RANBP17: variants seen among roughly 807,000 people sequenced by gnomAD.
The protein encoded by RANBP17 is RAN binding protein 17.
RANBP17 carries 158 observed loss-of-function variants against 141.2 expected under a neutral mutation model. That is an observed-to-expected ratio of 1.12 (90% CI 0.98 to 1.28). The LOEUF is 1.28. Among genes scored for constraint, RANBP17 ranks in the 50% most tolerant of loss-of-function variants. The pLI is 0.00. For missense variants in RANBP17, 1,438 were observed against 1,290.7 expected (o/e 1.11, Z -1.75); for synonymous variants, 430 against 450.0 (o/e 0.96, Z 0.56).
intron 14 of RANBP17, among the ~76,000 whole-genome samples, chr5:170,996,520 C>T (rs1325352513): frequency 1.3e-5 from 2 of 152,080 alleles, no homozygotes; most frequent in East Asian, 3.9e-4. Flanking sequence ...GTTTTCTGTT[C>T]TGGAGCATTC....
At chr5:171,248,194 G>A (rs1045258225) in intron 24 of RANBP17, among the ~76,000 whole-genome samples, 4 of 151,954 alleles carry the variant, frequency 2.6e-5, no homozygotes, top group East Asian at 3.9e-4. Flanking sequence ...GTGAAACCTC[G>A]TCTCTACTAA....
intron 18 of RANBP17, among the ~76,000 whole-genome samples, chr5:171,184,712 G>T (rs923357092): frequency 2.0e-5 from 3 of 152,106 alleles, no homozygotes; most frequent in Non-Finnish European, 4.4e-5. Flanking sequence ...CAAATATATT[G>T]CAGGTTTAGT....
intron 1 of RANBP17, among the ~76,000 whole-genome samples, chr5:170,872,625 A>G (rs1767843096): frequency 6.6e-6 from 1 of 152,230 alleles, no homozygotes; most frequent in African/African-American, 2.4e-5. Flanking sequence ...TTGCCTATTC[A>G]GTATGACATT....
At chr5:171,038,199 C>T (rs533045879) in intron 14 of RANBP17, among the ~76,000 whole-genome samples, 55 of 142,116 alleles carry the variant, frequency 3.9e-4, no homozygotes, top group African/African-American at 1.3e-3. Context: ...TGTGTGTGCA[C>T]GTGCACAGCA....
At chr5:170,869,361 G>A (rs1378296839) in intron 1 of RANBP17, among the ~76,000 whole-genome samples, 1 of 121,784 alleles carries the variant, frequency 8.2e-6, no homozygotes, top group African/African-American at 3.0e-5. Context: ...GTCTCGCTAT[G>A]TTTCCCAGGC....
At chr5:171,116,861 A>T (rs1304471685) in intron 14 of RANBP17, among the ~76,000 whole-genome samples, 1 of 151,992 alleles carries the variant, frequency 6.6e-6, no homozygotes, top group Non-Finnish European at 1.5e-5. Flanking sequence ...TCTACTTTTT[A>T]CTTCTATGAG....
intron 19 of RANBP17, among the ~76,000 whole-genome samples, chr5:171,200,808 C>T (rs781455826): frequency 7.9e-5 from 12 of 152,180 alleles, no homozygotes. Flanking sequence ...TGCTATACCT[C>T]TTAATTTAAA....
intron 12 of RANBP17, among the ~76,000 whole-genome samples, chr5:170,945,572 G>A (rs1463863424): frequency 6.6e-6 from 1 of 152,060 alleles, no homozygotes; most frequent in Non-Finnish European, 1.5e-5. Flanking sequence ...CCTAGGCTGT[G>A]TTCTTATTAG....
At chr5:170,933,642 T>C (rs1443927252) in intron 12 of RANBP17, among the ~76,000 whole-genome samples, 2 of 152,232 alleles carry the variant, frequency 1.3e-5, no homozygotes, top group Non-Finnish European at 2.9e-5. Flanking sequence ...TCAAAGAACA[T>C]CTTTATTTCT....
At chr5:170,993,570 T>C (rs573286391) in intron 14 of RANBP17, among the ~76,000 whole-genome samples, 164 of 152,218 alleles carry the variant, frequency 1.1e-3, no homozygotes, top group Non-Finnish European at 1.9e-3. Flanking sequence ...TCTTTCTTCA[T>C]CTAGACAATG....
chr5:171,242,751 A>G lies in RANBP17; in HGVS notation c.2707A>G (p.Ile903Val), dbSNP rs771693928. Residue 903 changes from isoleucine to valine, a missense_variant, in exon 24 of 28, where the codon ATC (isoleucine) becomes GTC (valine). Coordinates refer to ENST00000523189, the MANE Select transcript of RANBP17 (RefSeq NM_022897.5). ...TCTCACTCAGGACCATATGAGCTTC[A>G]TCATCAACTTAGAGCCTCCTGTACT... ...ECLTQDHMSFIINLEPPVLMY... is the reference protein window; with the variant it reads ...ECLTQDHMSFVINLEPPVLMY... 1 of 1,613,780 alleles carries G rather than the reference A, an allele frequency of 6.2e-7. No individual in the cohort carries two copies. The highest frequency in any genetic ancestry group is 8.5e-7 in the Non-Finnish European group (1 of 1,179,744).
At chr5:170,936,397 C>G (rs936000675) in intron 12 of RANBP17, among the ~76,000 whole-genome samples, 1 of 152,098 alleles carries the variant, frequency 6.6e-6, no homozygotes, top group Admixed American at 6.6e-5. Flanking sequence ...TGTTCCTATT[C>G]GGCCATCTTG....
chr5:171,000,840 G>T (rs1334340575), intron 14 of RANBP17, among the ~76,000 whole-genome samples: 1 of 152,150 alleles, frequency 6.6e-6, no homozygotes, highest in Non-Finnish European at 1.5e-5. Context: ...GAATTACAAA[G>T]AACCTTTTTA....
At position 171,081,094 on chromosome 5, in the gene RANBP17, A is replaced by C. The variant is rs569252881; in HGVS notation, c.1711-89036A>C. Among the ~76,000 whole-genome samples, 16 of 152,276 alleles carry C rather than the reference A, an allele frequency of 1.1e-4. No individual in the cohort carries two copies. In the East Asian group the frequency reaches 3.1e-3, roughly 29 times the overall value. On this transcript the variant is annotated intron_variant, in intron 14 of 27. Coordinates refer to ENST00000523189, the MANE Select transcript of RANBP17 (RefSeq NM_022897.5). ...CTAAGTTCGTCTGACTAGTGATAGA[A>C]CTGATACTTAAAACCCTAGTCCATC...
At chr5:171,028,738 C>T (rs559643930) in intron 14 of RANBP17, 1 of 357,664 alleles carries the variant, frequency 2.8e-6, no homozygotes, top group Admixed American at 3.5e-5. Context: ...CAGAGACTTT[C>T]CTTGCTTGCA....
chr5:171,048,010 G>C (rs1007887759), intron 14 of RANBP17, among the ~76,000 whole-genome samples: 3 of 152,002 alleles, frequency 2.0e-5, no homozygotes, highest in African/African-American at 7.2e-5. Flanking sequence ...AGTCTTTTGG[G>C]CTATCTTTTT....
intron 14 of RANBP17, among the ~76,000 whole-genome samples, chr5:170,992,936 C>T (rs1165663761): frequency 6.6e-6 from 1 of 152,042 alleles, no homozygotes; most frequent in Non-Finnish European, 1.5e-5. Context: ...CCCAGCAAGC[C>T]CTTCACGTAA....
intron 14 of RANBP17, among the ~76,000 whole-genome samples, chr5:171,036,643 TG>T (rs537684202): frequency 4.7e-4 from 72 of 152,282 alleles, no homozygotes; most frequent in African/African-American, 1.7e-3. Flanking sequence ...TGTATGTCCG[TG>T]GGTACCCACT....
rs149409872 is a variant in RANBP17 at position 171,279,641 on chromosome 5, A to G, written c.2943+13794A>G. ...GTACCTCATAATTCTTCCCATTCAT[A>G]TAATGTCTTCATACCTAATGTCTCT... On this transcript the variant is annotated intron_variant, in intron 25 of 27. Transcript: ENST00000523189. Among the ~76,000 whole-genome samples, 899 of 152,318 alleles carry G rather than the reference A, an allele frequency of 5.9e-3. 12 individuals carry two copies. Among genetic ancestry groups the G allele is most frequent in the African/African-American group, 0.017 (694 of 41,568 alleles).
Sources: gnomAD v4.1 joint callset for allele counts (sites outside exome capture counted in the v4.1 genomes callset) on GRCh38, gnomAD v4.1.1 for gene constraint, MANE v1.5 for transcripts, NCBI Gene and HGNC (gene_info 2026-07-23, HGNC 2026-07-21) for gene names.